GTPBP10: variants seen among roughly 807,000 people sequenced by gnomAD.
The protein encoded by GTPBP10 is GTP-binding protein 10.
A neutral mutation model predicts 44.8 loss-of-function variants in GTPBP10; 38 were observed. The ratio of observed to expected loss-of-function variants is 0.85; its 90% CI spans 0.65 to 1.11. GTPBP10 has a LOEUF of 1.11. GTPBP10 is among the 50% of genes most tolerant of loss of function. The pLI is 0.00. For synonymous variants in GTPBP10, 152 were observed against 150.6 expected, an observed-to-expected ratio of 1.01 and a Z score of -0.07; for missense variants, 462 against 453.7, an observed-to-expected ratio of 1.02 and a Z score of -0.17.
At chr7:90,352,197 C>T (rs748328142) in intron 1 of GTPBP10, among the ~76,000 whole-genome samples, 31 of 152,192 alleles carry the variant, frequency 2.0e-4, no homozygotes, top group African/African-American at 7.2e-4. Context: ...GGAAAAGAAG[C>T]AGGTGTAGTC....
chr7:90,355,720 C>G (rs1351275614), intron 4 of GTPBP10, among the ~76,000 whole-genome samples: 1 of 152,104 alleles, frequency 6.6e-6, no homozygotes, highest in African/African-American at 2.4e-5. Flanking sequence ...CTGTTGCCGC[C>G]AAATTGAATC....
intron 8 of GTPBP10, among the ~76,000 whole-genome samples, chr7:90,378,931 G>A (rs1796391173): frequency 1.3e-5 from 2 of 152,220 alleles, no homozygotes; most frequent in Admixed American, 1.3e-4. Flanking sequence ...TCAAACACCT[G>A]ACCACAGGTA....
At chr7:90,352,063 C>T (rs923069948) in intron 1 of GTPBP10, among the ~76,000 whole-genome samples, 24 of 152,066 alleles carry the variant, frequency 1.6e-4, no homozygotes, top group African/African-American at 5.8e-4. Flanking sequence ...AGATCAATTT[C>T]AGAAAAATAG....
Position 90,386,780 on chromosome 7 carries a change from T to A in GTPBP10, c.*1626T>A, listed in dbSNP as rs1796532072. On this transcript the variant is annotated 3_prime_UTR_variant, in exon 10 of 10. Coordinates refer to ENST00000222511, the MANE Select transcript of GTPBP10 (RefSeq NM_033107.4). Reference sequence around the variant, plus strand: ...ACCTGAGTGTTTCACAAATACAAACTGGACATTTTCCCTTTAAATGAGTTT... The same window carrying A: ...ACCTGAGTGTTTCACAAATACAAACAGGACATTTTCCCTTTAAATGAGTTT... 6.6e-6 allele frequency: 1 copy of A among 152,204 alleles called. No individual in the cohort carries two copies. The highest frequency in any genetic ancestry group is 1.5e-5 in the Non-Finnish European group (1 of 68,036). The allele number at this position is 152,204 out of a possible 1,614,324, so 9.4% of individuals were successfully genotyped here. A position where few individuals can be genotyped will look rare whatever the true frequency, so the allele number is the denominator to read the frequency against.
At chr7:90,355,799 A>G (rs1251716689) in intron 4 of GTPBP10, among the ~76,000 whole-genome samples, 2 of 152,192 alleles carry the variant, frequency 1.3e-5, no homozygotes, top group African/African-American at 4.8e-5. Flanking sequence ...TAGGCCTCAC[A>G]AGAGTGTCCT....
intron 4 of GTPBP10, among the ~76,000 whole-genome samples, chr7:90,367,651 C>A (rs1796161615): frequency 6.6e-6 from 1 of 152,120 alleles, no homozygotes; most frequent in Non-Finnish European, 1.5e-5. Context: ...TCCTCTATCC[C>A]TTTATTTTGA....
At chr7:90,359,128 T>C (rs921707646) in intron 4 of GTPBP10, among the ~76,000 whole-genome samples, 2 of 145,896 alleles carry the variant, frequency 1.4e-5, no homozygotes, top group East Asian at 3.9e-4. Flanking sequence ...GAACTCATAC[T>C]TTTTTTTTTT....
Position 90,385,119 on chromosome 7 carries a change from C to T in GTPBP10, c.1129C>T (p.His377Tyr). The T allele has an allele frequency of 6.2e-7, 1 of 1,609,766 alleles. No homozygotes were observed. Among genetic ancestry groups the T allele is most frequent in the Non-Finnish European group, 8.5e-7 (1 of 1,176,938 alleles). Residue 377 changes from histidine to tyrosine, a missense_variant, in exon 10 of 10, where the codon CAT becomes TAT. Coordinates refer to ENST00000222511, the MANE Select transcript of GTPBP10 (RefSeq NM_033107.4). Reference sequence around the variant, plus strand: ...GTCTTCTACTGAGCCACCATCAAAGCATGCTGTTACTACTTCCAAAATGGA... The same window carrying T: ...GTCTTCTACTGAGCCACCATCAAAGTATGCTGTTACTACTTCCAAAATGGA... The part of the protein sequence containing the change: ...TMSSTEPPSK[H>Y]AVTTSKMDII
At chr7:90,354,396 A>ATGTG (rs112927371) in intron 2 of GTPBP10, 62 bp from the exon 3 acceptor site, 285 of 670,030 alleles carry the variant, frequency 4.3e-4, no homozygotes, top group African/African-American at 4.1e-3. Flanking sequence ...TTTTGTGTGT[A>ATGTG]TGTGTGTGTG....
intron 1 of GTPBP10, among the ~76,000 whole-genome samples, chr7:90,352,004 T>A (rs558240365): frequency 4.6e-5 from 7 of 152,192 alleles, no homozygotes; most frequent in Non-Finnish European, 5.9e-5. Context: ...CTCATAAGCA[T>A]TTTTTTAATG....
rs994292655 is a variant in GTPBP10 at position 90,387,573 on chromosome 7, C to G, written c.*2419C>G. On this transcript the variant is annotated 3_prime_UTR_variant, in exon 10 of 10. Coordinates refer to ENST00000222511, the MANE Select transcript of GTPBP10 (RefSeq NM_033107.4). ...TATTTGTTTTATTTTCTGTTCCTCA[C>G]TCCTACCTCTCATTCCAGTCCCCAA... 1 of 152,180 alleles carries G rather than the reference C, an allele frequency of 6.6e-6. No individual in the cohort carries two copies. Among genetic ancestry groups the G allele is most frequent in the Non-Finnish European group, 1.5e-5 (1 of 68,036 alleles). 9.4% of individuals were successfully genotyped at this position (152,180 alleles called of 1,614,324 possible). A position where few individuals can be genotyped will look rare whatever the true frequency, so the allele number is the denominator to read the frequency against.
In GTPBP10 at chr7:90,388,069, C is replaced by T. The variant is rs1796555451; in HGVS notation, c.*2915C>T. Reference sequence around the variant, plus strand: ...GGTGCCACTCCATGACTAACCGAAACATTTTATTATGTGACTCACTAAGAT... The same window carrying T: ...GGTGCCACTCCATGACTAACCGAAATATTTTATTATGTGACTCACTAAGAT... On this transcript the variant is annotated 3_prime_UTR_variant, in exon 10 of 10. Coordinates refer to ENST00000222511, the MANE Select transcript of GTPBP10 (RefSeq NM_033107.4). 1 of 152,126 alleles carries T rather than the reference C, an allele frequency of 6.6e-6. No individual in the cohort carries two copies. The highest frequency in any genetic ancestry group is 1.5e-5 in the Non-Finnish European group (1 of 68,034). The allele number at this position is 152,126 out of a possible 1,614,324, so 9.4% of individuals were successfully genotyped here.
intron 4 of GTPBP10, among the ~76,000 whole-genome samples, chr7:90,362,045 C>T (rs1449025601): frequency 8.6e-5 from 13 of 152,016 alleles, no homozygotes; most frequent in South Asian, 2.1e-4. Flanking sequence ...GTCTTGCTAG[C>T]GGTCTATCAA....
At chr7:90,361,095 T>G (rs1461937393) in intron 4 of GTPBP10, among the ~76,000 whole-genome samples, 4 of 152,192 alleles carry the variant, frequency 2.6e-5, no homozygotes, top group African/African-American at 9.7e-5. Flanking sequence ...ACAATTTGAC[T>G]TCCTCTTTTC....
chr7:90,368,717 T>G, intron 4 of GTPBP10, among the ~76,000 whole-genome samples: 1 of 152,252 alleles, frequency 6.6e-6, no homozygotes, highest in East Asian at 1.9e-4. Context: ...GGTTTTTAGC[T>G]TCTTTGCAAT....
intron 4 of GTPBP10, among the ~76,000 whole-genome samples, chr7:90,358,172 A>G (rs1795942879): frequency 2.0e-5 from 3 of 152,182 alleles, no homozygotes; most frequent in Admixed American, 6.6e-5. Flanking sequence ...CAAGAACTCA[A>G]TCCCTTTTAC....
At chr7:90,381,163 C>T (rs145526705) in intron 8 of GTPBP10, among the ~76,000 whole-genome samples, 2 of 152,028 alleles carry the variant, frequency 1.3e-5, no homozygotes, top group Admixed American at 6.6e-5. Flanking sequence ...GTGGGATTGC[C>T]GGATCATATG....
intron 9 of GTPBP10, among the ~76,000 whole-genome samples, chr7:90,383,294 T>G (rs751525205): frequency 6.6e-6 from 1 of 152,178 alleles, no homozygotes; most frequent in Non-Finnish European, 1.5e-5. Context: ...AAAGAAAGAT[T>G]AATTTGAACT....
intron 2 of GTPBP10, among the ~76,000 whole-genome samples, chr7:90,354,118 G>A (rs1410395940): frequency 2.6e-5 from 4 of 152,078 alleles, no homozygotes; most frequent in African/African-American, 7.2e-5. Flanking sequence ...ACAGGCGTGA[G>A]CCACCACGCC....
Sources: gnomAD v4.1 joint callset for allele counts (sites outside exome capture counted in the v4.1 genomes callset) on GRCh38, gnomAD v4.1.1 for gene constraint, MANE v1.5 for transcripts, NCBI Gene and HGNC (gene_info 2026-07-23, HGNC 2026-07-21) for gene names.